Variants in KCNG3 observed in about 807,000 individuals in gnomAD.
KCNG3 encodes potassium voltage-gated channel modifier subfamily G member 3.
Under a neutral mutation model 29.0 loss-of-function variants are expected in KCNG3, and 15 were observed. That is an observed-to-expected ratio of 0.52 (90% CI 0.35 to 0.80). The LOEUF is 0.80. Ranked by LOEUF, KCNG3 falls within the 30% of genes least tolerant of loss-of-function variation. KCNG3 has a pLI of 0.01. For synonymous variants in KCNG3, 322 were observed against 248.9 expected, an observed-to-expected ratio of 1.29 and a Z score of -2.76; for missense variants, 512 against 605.7, an observed-to-expected ratio of 0.85 and a Z score of 1.62.
intron 1 of KCNG3, among the ~76,000 whole-genome samples, chr2:42,477,635 T>C (rs182109513): frequency 4.6e-5 from 7 of 151,866 alleles, no homozygotes; most frequent in African/African-American, 1.7e-4. Flanking sequence ...TCCTAGCACT[T>C]TGGGAGGCCG....
At chr2:42,394,730 T>C in the KCNG3 span, among the ~76,000 whole-genome samples, 2 of 152,342 alleles carry the variant, frequency 1.3e-5, no homozygotes, top group East Asian at 3.9e-4. Context: ...TTACATATGA[T>C]GATTGATGTC....
intron 1 of KCNG3, among the ~76,000 whole-genome samples, chr2:42,458,641 C>G (rs1672939005): frequency 6.6e-6 from 1 of 152,108 alleles, no homozygotes; most frequent in Non-Finnish European, 1.5e-5. Context: ...TGGCATAATT[C>G]AATATTCAAC....
chr2:42,463,126 C>T, intron 1 of KCNG3: 1 of 311,148 alleles, frequency 3.2e-6, no homozygotes, highest in Non-Finnish European at 6.1e-6. Flanking sequence ...AACAACTGTA[C>T]AGTATTCATT....
Position 42,490,212 on chromosome 2 carries a change from A to G in KCNG3, c.665+2625T>C, listed in dbSNP as rs978263256. Among the ~76,000 whole-genome samples the G allele has an allele frequency of 3.9e-5, 6 of 152,122 alleles. No individual in the cohort carries two copies. The East Asian group carries it at 1.2e-3, about 29-fold the overall frequency. On this transcript the variant is annotated intron_variant, in intron 1 of 1. Transcript: ENST00000306078. ...CACGATGTTCCTTTTATCTTAAAAA[A>G]TCTCTTTTATTTTGTTCCCAGGCAG...
chr2:42,451,277 A>G (rs1177250085), intron 1 of KCNG3, among the ~76,000 whole-genome samples: 1 of 151,484 alleles, frequency 6.6e-6, no homozygotes, highest in Non-Finnish European at 1.5e-5. Context: ...TTTACATTAG[A>G]ATAGCATTTT....
intron 1 of KCNG3, among the ~76,000 whole-genome samples, chr2:42,461,548 T>A (rs1340794900): frequency 6.6e-6 from 1 of 152,136 alleles, no homozygotes; most frequent in East Asian, 1.9e-4. Context: ...CTAAAAACTT[T>A]CCAGAGATGA....
intron 1 of KCNG3, among the ~76,000 whole-genome samples, chr2:42,472,702 G>A (rs934925040): frequency 3.3e-5 from 5 of 151,424 alleles, no homozygotes; most frequent in African/African-American, 7.3e-5. Flanking sequence ...GTTTCACCAC[G>A]TTGCACAGGC....
rs962557511 is a variant in KCNG3, at chr2:42,471,184, G to GTGTA, written c.665+21652_665+21653insTACA. ...TGTGTGTGTGTGTGTGTGTGTGTGTGTATATATATATATATATTCACACAA... is the reference window on the plus strand; with the variant it reads ...TGTGTGTGTGTGTGTGTGTGTGTGTGTGTATATATATATATATATATTCACACAA... On this transcript the variant is annotated intron_variant, in intron 1 of 1. Coordinates refer to ENST00000306078, the MANE Select transcript of KCNG3 (RefSeq NM_133329.6). Among the ~76,000 whole-genome samples, 525 of 147,938 alleles carry GTGTA rather than the reference G, an allele frequency of 3.5e-3. 1 individual carries two copies. The highest frequency in any genetic ancestry group is 0.013 in the African/African-American group (499 of 39,352).
chr2:42,414,861 T>A, the KCNG3 span, among the ~76,000 whole-genome samples: 1 of 152,210 alleles, frequency 6.6e-6, no homozygotes, highest in South Asian at 2.1e-4. Flanking sequence ...TCAATGACTA[T>A]CTTTTTCACA....
In KCNG3 at chr2:42,492,901, C is replaced by A; in HGVS notation, c.601G>T (p.Ala201Ser). The change falls in exon 1 of 2, where the codon GCC becomes TCC. Residue 201 changes from alanine (A) to serine (S), a missense_variant. Physicochemically the swap from Ala to Ser is moderately conservative, Grantham distance 99. Coordinates refer to ENST00000306078, the MANE Select transcript of KCNG3 (RefSeq NM_133329.6). ...STLPDWRNAAADNRSLDDRSR... is the reference protein window; with the variant it reads ...STLPDWRNAASDNRSLDDRSR... ...CGGTCATCCAGGCTGCGGTTGTCGG[C>A]GGCTGCGTTGCGCCAGTCGGGCAAC... is the stretch of plus-strand genomic sequence containing the variant. 1.3e-6 allele frequency: 2 copies of A among 1,568,014 alleles called. No homozygotes were observed. The highest frequency in any genetic ancestry group is 3.8e-5 in the Admixed American group (2 of 52,050).
chr2:42,493,520 C>G lies in KCNG3; in HGVS notation c.-19G>C, dbSNP rs555674252. 1 of 1,345,854 alleles carries G rather than the reference C, an allele frequency of 7.4e-7. No homozygotes were observed. Among genetic ancestry groups the G allele is most frequent in the Non-Finnish European group, 9.5e-7 (1 of 1,056,460 alleles). The allele number at this position is 1,345,854 out of a possible 1,614,324, so 83.4% of individuals were successfully genotyped here. On this transcript the variant is annotated 5_prime_UTR_variant, in exon 1 of 2. Transcript: ENST00000306078. Reference sequence around the variant, plus strand: ...AGGTCATGGCTGGCCGCCCGGGGGACTTTCGGCCCGAGGGCCCCGCTGCAG... The same window carrying G: ...AGGTCATGGCTGGCCGCCCGGGGGAGTTTCGGCCCGAGGGCCCCGCTGCAG...
intron 1 of KCNG3, among the ~76,000 whole-genome samples, chr2:42,488,611 G>A (rs1251586034): frequency 1.3e-5 from 2 of 150,970 alleles, no homozygotes; most frequent in African/African-American, 2.4e-5. Flanking sequence ...GTGCAGTAGC[G>A]TGATATCGGC....
downstream of KCNG3, among the ~76,000 whole-genome samples, chr2:42,438,346 C>G (rs1672411709): frequency 6.6e-6 from 1 of 152,020 alleles, no homozygotes; most frequent in African/African-American, 2.4e-5. Context: ...AAATAGTGAT[C>G]CTATCTAATA....
At chr2:42,414,956 C>CT in the KCNG3 span, among the ~76,000 whole-genome samples, 6 of 152,260 alleles carry the variant, frequency 3.9e-5, no homozygotes, top group Middle Eastern at 3.4e-3. Flanking sequence ...TTTAAGCATA[C>CT]TTTTTATTTT....
the KCNG3 span, among the ~76,000 whole-genome samples, chr2:42,432,495 T>C: frequency 5.9e-5 from 9 of 152,298 alleles, no homozygotes; most frequent in South Asian, 2.1e-4. Context: ...AGCTCTAACA[T>C]TGACGATTCA....
At chr2:42,416,604 G>A in the KCNG3 span, among the ~76,000 whole-genome samples, 1 of 152,004 alleles carries the variant, frequency 6.6e-6, no homozygotes, top group African/African-American at 2.4e-5. Context: ...CGAGGCAGGT[G>A]GATCGCTTGA....
the KCNG3 span, among the ~76,000 whole-genome samples, chr2:42,395,462 G>A: frequency 5.5e-4 from 84 of 152,292 alleles, no homozygotes; most frequent in South Asian, 1.0e-3. Flanking sequence ...AGCACTTTGG[G>A]ACTACAGGTG....
the KCNG3 span, among the ~76,000 whole-genome samples, chr2:42,417,653 G>C: frequency 0.13 from 19,862 of 152,066 alleles, 1,454 homozygotes; most frequent in South Asian, 0.26. Flanking sequence ...CGTGCTCATT[G>C]TTTTTCTTAT....
chr2:42,434,666 C>CAAAAAAAA, the KCNG3 span, among the ~76,000 whole-genome samples: 2 of 64,696 alleles, frequency 3.1e-5, 1 homozygote, highest in African/African-American at 1.2e-4. Flanking sequence ...AACTCCATCT[C>CAAAAAAAA]AAAAAAAAAA....
Sources: allele counts gnomAD v4.1 joint callset (sites outside exome capture counted in the v4.1 genomes callset), GRCh38; gene constraint gnomAD v4.1.1; transcripts MANE v1.5; gene names NCBI Gene and HGNC (gene_info 2026-07-23, HGNC 2026-07-21).